CADM2: variants seen among roughly 807,000 people sequenced by gnomAD.
CADM2 encodes the protein immunoglobulin superfamily member 4D.
CADM2 carries 12 observed loss-of-function variants against 49.8 expected under a neutral mutation model. That is an observed-to-expected ratio of 0.24 (90% CI 0.15 to 0.39). The LOEUF (loss-of-function observed/expected upper bound fraction) is 0.39, where lower values mean the gene tolerates loss of function less well. Among genes scored for constraint, CADM2 ranks in the 10% least tolerant of loss-of-function variants. The probability of loss-of-function intolerance (pLI) is 1.00; values close to 1 mark genes in which losing one functional copy is unlikely to be tolerated. For synonymous variants in CADM2, 214 were observed against 175.4 expected (o/e 1.22, Z -1.74); for missense variants, 378 against 492.3 (o/e 0.77, Z 2.20).
chr3:85,990,627 A>G (rs1404446416), intron 8 of CADM2, among the ~76,000 whole-genome samples: 1 of 152,192 alleles, frequency 6.6e-6, no homozygotes. Context: ...CACTTGCTTA[A>G]AACAATGGCT....
chr3:85,773,169 A>T (rs960562180), intron 2 of CADM2, among the ~76,000 whole-genome samples: 6 of 152,016 alleles, frequency 3.9e-5, no homozygotes, highest in African/African-American at 1.4e-4. Context: ...AAAACAAAAT[A>T]AAAAAGACCT....
rs1202520149 is a variant in CADM2, at chr3:86,068,350, T to G, written c.*1567T>G. 2 of 152,080 alleles carry G rather than the reference T, an allele frequency of 1.3e-5. No homozygotes were observed. The highest frequency in any genetic ancestry group is 2.9e-5 in the Non-Finnish European group (2 of 67,854). The allele number at this position is 152,080 out of a possible 1,614,324, so 9.4% of individuals were successfully genotyped here. On this transcript the variant is annotated 3_prime_UTR_variant, in exon 10 of 10. Coordinates refer to ENST00000383699, the MANE Select transcript of CADM2 (RefSeq NM_001167675.2). ...ATTGTTAGATTAGTTCTCATTAAATTTATTATATGCTAAAGAATAAAACTC... is the reference window on the plus strand; with the variant it reads ...ATTGTTAGATTAGTTCTCATTAAATGTATTATATGCTAAAGAATAAAACTC...
Position 85,842,754 on chromosome 3 carries a change from T to C in CADM2, c.239-40537T>C, listed in dbSNP as rs575199003. On this transcript the variant is annotated intron_variant, in intron 3 of 9. Coordinates refer to ENST00000383699, the MANE Select transcript of CADM2 (RefSeq NM_001167675.2). Reference sequence around the variant, plus strand: ...TTTATTAAACTTAGTCTTATGTCTTTCTTTCAGTTATCATGATTTTACCCT... The same window carrying C: ...TTTATTAAACTTAGTCTTATGTCTTCCTTTCAGTTATCATGATTTTACCCT... Among the ~76,000 whole-genome samples, 330 of 152,280 alleles carry C rather than the reference T, an allele frequency of 2.2e-3. 3 individuals are homozygous for C. Among genetic ancestry groups the C allele is most frequent in the African/African-American group, 7.8e-3 (323 of 41,576 alleles).
At chr3:85,340,716 A>C (rs115332700) in intron 1 of CADM2, among the ~76,000 whole-genome samples, 2,793 of 151,752 alleles carry the variant, frequency 0.018, 48 homozygotes, top group Middle Eastern at 0.034. Context: ...CTTTAAAAGA[A>C]TTGCTGGCAG....
intron 1 of CADM2, among the ~76,000 whole-genome samples, chr3:85,606,386 T>A (rs960088550): frequency 6.6e-6 from 1 of 152,118 alleles, no homozygotes; most frequent in Middle Eastern, 3.2e-3. Context: ...ATCTAATAAT[T>A]GCACAGCAAA....
chr3:85,981,108 G>C (rs759876306), intron 8 of CADM2, among the ~76,000 whole-genome samples: 4 of 149,820 alleles, frequency 2.7e-5, no homozygotes, highest in African/African-American at 9.8e-5. Flanking sequence ...GTGGTCTTCC[G>C]GTCTTTTGAA....
intron 2 of CADM2, among the ~76,000 whole-genome samples, chr3:85,768,824 A>G (rs1205463802): frequency 3.8e-5 from 2 of 52,680 alleles, no homozygotes; most frequent in African/African-American, 2.0e-4. Context: ...GTATATATAC[A>G]CATATATACA....
chr3:85,775,121 T>TA (rs1448292601), intron 2 of CADM2, among the ~76,000 whole-genome samples: 2 of 151,716 alleles, frequency 1.3e-5, no homozygotes, highest in Admixed American at 6.6e-5. Context: ...AATTCAACAT[T>TA]AGAAATAAAT....
chr3:85,641,437 G>C (rs1025177568), intron 1 of CADM2, among the ~76,000 whole-genome samples: 3 of 152,158 alleles, frequency 2.0e-5, no homozygotes, highest in South Asian at 2.1e-4. Context: ...AAAATTATTA[G>C]AGCTGGACAT....
Position 85,028,533 on chromosome 3 carries a change from A to G in CADM2, c.61+68865A>G, listed in dbSNP as rs114663969. 2.0e-5 allele frequency among the ~76,000 whole-genome samples: 3 copies of G among 152,192 alleles called. No individual in the cohort carries two copies. The East Asian group carries it at 5.8e-4, about 29-fold the overall frequency. On this transcript the variant is annotated intron_variant, in intron 1 of 9. Transcript: ENST00000383699. ...GTCTTACAGTGCCAATTAGTATCTT[A>G]AAGTACAAATTTATCTTATTTCAAA...
chr3:85,964,080 C>G (rs549941612), intron 8 of CADM2, among the ~76,000 whole-genome samples: 1 of 151,764 alleles, frequency 6.6e-6, no homozygotes, highest in African/African-American at 2.4e-5. Context: ...TCATTAGTCA[C>G]TAGTTGTATA....
intron 1 of CADM2, among the ~76,000 whole-genome samples, chr3:85,285,114 G>T (rs2043601707): frequency 1.3e-5 from 2 of 152,138 alleles, no homozygotes; most frequent in African/African-American, 2.4e-5. Context: ...AAAGAAGGCA[G>T]TTGGAAGGAC....
chr3:85,421,294 A>C (rs1003696584), intron 1 of CADM2, among the ~76,000 whole-genome samples: 9 of 152,172 alleles, frequency 5.9e-5, no homozygotes, highest in African/African-American at 2.2e-4. Context: ...GTTAGTGTTA[A>C]AAATGATCAT....
chr3:85,157,268 A>G (rs76414817), intron 1 of CADM2, among the ~76,000 whole-genome samples: 100,063 of 148,672 alleles, frequency 0.67, 34,560 homozygotes, highest in African/African-American at 0.82. Flanking sequence ...TACTGCCCAA[A>G]GTAATTTACA....
At chr3:85,366,954 T>C (rs1297172534) in intron 1 of CADM2, among the ~76,000 whole-genome samples, 1 of 152,026 alleles carries the variant, frequency 6.6e-6, no homozygotes, top group East Asian at 1.9e-4. Context: ...TTAAAAATTA[T>C]TAGTTAACAC....
At chr3:85,227,269 G>C (rs935478893) in intron 1 of CADM2, among the ~76,000 whole-genome samples, 3 of 152,050 alleles carry the variant, frequency 2.0e-5, no homozygotes, top group African/African-American at 7.2e-5. Context: ...AAGTCTTTTT[G>C]TAGGTCTCTA....
At chr3:85,713,099 T>C (rs2067164899) in intron 1 of CADM2, among the ~76,000 whole-genome samples, 1 of 152,126 alleles carries the variant, frequency 6.6e-6, no homozygotes, top group African/African-American at 2.4e-5. Context: ...GTTTTTGTTT[T>C]GGTTTGGTTT....
At chr3:85,741,343 A>AG (rs1007377074) in intron 2 of CADM2, among the ~76,000 whole-genome samples, 4 of 151,794 alleles carry the variant, frequency 2.6e-5, no homozygotes, top group Non-Finnish European at 5.9e-5. Flanking sequence ...GAGAAAAAAA[A>AG]AATACAATGA....
chr3:85,976,049 GA>G (rs1029612085), intron 8 of CADM2, among the ~76,000 whole-genome samples: 2 of 151,376 alleles, frequency 1.3e-5, no homozygotes, highest in African/African-American at 2.4e-5. Context: ...TTGTCCTATG[GA>G]AAAAATTAAT....
Sources: gnomAD v4.1 joint callset for allele counts (sites outside exome capture counted in the v4.1 genomes callset) on GRCh38, gnomAD v4.1.1 for gene constraint, MANE v1.5 for transcripts, NCBI Gene and HGNC (gene_info 2026-07-23, HGNC 2026-07-21) for gene names.